ACAT1: variants seen among roughly 807,000 people sequenced by gnomAD.
ACAT1 encodes the protein acetyl-CoA acetyltransferase, mitochondrial.
In ACAT1, 28 loss-of-function variants were observed where a neutral mutation model predicts 47.3. That is an observed-to-expected ratio of 0.59 (90% CI 0.44 to 0.81). The LOEUF is 0.81. Among genes scored for constraint, ACAT1 ranks in the 30% least tolerant of loss-of-function variants. ACAT1 has a pLI of 0.00. For missense variants in ACAT1, 469 were observed against 524.3 expected, an observed-to-expected ratio of 0.89 and a Z score of 1.03; for synonymous variants, 181 against 173.6, an observed-to-expected ratio of 1.04 and a Z score of -0.34.
At chr11:108,125,745 G>GA (rs2077235070) in intron 1 of ACAT1, among the ~76,000 whole-genome samples, 2 of 151,972 alleles carry the variant, frequency 1.3e-5, no homozygotes, top group Non-Finnish European at 2.9e-5. Flanking sequence ...GGCTAACAAG[G>GA]TGAAACCCTG....
chr11:108,134,254 T>C lies in ACAT1; in HGVS notation c.272T>C (p.Met91Thr). ...AAAGAAGAAGTGAAAGAAGCATACA[T>C]GGGTAATGTTCTACAAGGAGGTGAA... Reference protein sequence around the residue: ...IPKEEVKEAYMGNVLQGGEGQ... With the variant: ...IPKEEVKEAYTGNVLQGGEGQ... Residue 91 changes from methionine (M) to threonine (T), a missense_variant, in exon 4 of 12, where the codon ATG becomes ACG. Physicochemically the swap from Met to Thr is moderately conservative, Grantham distance 81. Transcript: ENST00000265838. 6.2e-7 allele frequency: 1 copy of C among 1,612,976 alleles called. No individual in the cohort carries two copies. Among genetic ancestry groups the C allele is most frequent in the African/African-American group, 1.3e-5 (1 of 74,804 alleles).
chr11:108,134,944 C>CAA (rs56229925), intron 4 of ACAT1, among the ~76,000 whole-genome samples, 198 bp from the exon 5 acceptor site: 63 of 81,294 alleles, frequency 7.7e-4, no homozygotes, highest in African/African-American at 1.4e-3. Flanking sequence ...GACTCCGTCT[C>CAA]AAAAAAAAAA....
At position 108,147,476 on chromosome 11, in the gene ACAT1, C is replaced by G. The variant is rs907869980; in HGVS notation, c.*86C>G. ...TGACTACTGTGGGTCAGCTTATATT[C>G]AGATAAGCTGTTTCATTTTTTATTA... On this transcript the variant is annotated 3_prime_UTR_variant, in exon 12 of 12. Transcript: ENST00000265838. 21 of 1,485,914 alleles carry G rather than the reference C, an allele frequency of 1.4e-5. No individual in the cohort carries two copies. Among genetic ancestry groups the G allele is most frequent in the Non-Finnish European group, 1.9e-5 (20 of 1,075,604 alleles). 92.0% of individuals were successfully genotyped at this position (1,485,914 alleles called of 1,614,324 possible). A position where few individuals can be genotyped will look rare whatever the true frequency, so the allele number is the denominator to read the frequency against.
intron 1 of ACAT1, among the ~76,000 whole-genome samples, chr11:108,127,234 A>G (rs891649042): frequency 6.6e-6 from 1 of 150,708 alleles, no homozygotes; most frequent in African/African-American, 2.4e-5. Flanking sequence ...GGTTGGAGAT[A>G]GAAATTTGGA....
chr11:108,119,940 G>C (rs1282547953), upstream of ACAT1, among the ~76,000 whole-genome samples: 1 of 152,238 alleles, frequency 6.6e-6, no homozygotes, highest in South Asian at 2.1e-4. Context: ...CCCTGGCCGC[G>C]TGCAGTGGCT....
intron 5 of ACAT1, chr11:108,136,001 T>G: frequency 3.7e-6 from 2 of 538,552 alleles, no homozygotes; most frequent in Non-Finnish European, 6.5e-6. Flanking sequence ...GACTAATTTG[T>G]AGTCATTAAG....
At chr11:108,120,650 T>C (rs1179669408), upstream of ACAT1, among the ~76,000 whole-genome samples, 1 of 152,258 alleles carries the variant, frequency 6.6e-6, no homozygotes, top group Non-Finnish European at 1.5e-5. Flanking sequence ...GGCTTGTCTC[T>C]GCTCCATGAT....
chr11:108,125,358 T>C (rs74504980), intron 1 of ACAT1, among the ~76,000 whole-genome samples: 6 of 152,298 alleles, frequency 3.9e-5, no homozygotes, highest in Non-Finnish European at 7.4e-5. Flanking sequence ...GACCATACTA[T>C]AATTTTGTCA....
intron 1 of ACAT1, among the ~76,000 whole-genome samples, chr11:108,131,553 C>T (rs1010368099): frequency 6.6e-6 from 1 of 151,378 alleles, no homozygotes; most frequent in Non-Finnish European, 1.5e-5. Context: ...GGTCTCACCA[C>T]GTTGTCCAGG....
At chr11:108,133,665 A>G (rs2077404750) in intron 2 of ACAT1, among the ~76,000 whole-genome samples, 155 bp from the exon 3 acceptor site, 1 of 152,220 alleles carries the variant, frequency 6.6e-6, no homozygotes, top group Admixed American at 6.5e-5. Flanking sequence ...AAGCACTAGC[A>G]TTGAACTGAT....
chr11:108,118,377 TTTC>T (rs1404525649), upstream of ACAT1, among the ~76,000 whole-genome samples: 7 of 151,922 alleles, frequency 4.6e-5, no homozygotes, highest in African/African-American at 1.7e-4. Flanking sequence ...ATCTAGTCAC[TTTC>T]TTTTTTTTTT....
chr11:108,116,838 G>A (rs930154302), upstream of ACAT1, among the ~76,000 whole-genome samples: 4 of 152,128 alleles, frequency 2.6e-5, no homozygotes, highest in Admixed American at 6.6e-5. Context: ...CAGACTCTCC[G>A]TTAGAACCCA....
chr11:108,139,438 A>G (rs564893959), intron 6 of ACAT1, among the ~76,000 whole-genome samples: 2 of 151,890 alleles, frequency 1.3e-5, no homozygotes, highest in African/African-American at 4.8e-5. Context: ...TAAAAATACA[A>G]AAAAATTAGC....
Position 108,139,935 on chromosome 11 carries a change from G to A in ACAT1, c.580-130G>A, listed in dbSNP as rs542156008. On this transcript the variant is annotated intron_variant, in intron 6 of 11. Transcript: ENST00000265838. The stretch of plus-strand genomic sequence containing the variant: ...CAAAGTGCTGGGATTACAGGCATGA[G>A]CCACCACCTCCGGCCTAAGAAATAT... The A allele has an allele frequency of 7.5e-5, 89 of 1,181,012 alleles. No individual in the cohort carries two copies. In the East Asian group the frequency reaches 1.6e-3, roughly 21 times the overall value. The allele number at this position is 1,181,012 out of a possible 1,614,324, so 73.2% of individuals were successfully genotyped here.
intron 1 of ACAT1, among the ~76,000 whole-genome samples, chr11:108,125,660 G>A (rs2135300137): frequency 6.6e-6 from 1 of 152,312 alleles, no homozygotes; most frequent in Non-Finnish European, 1.5e-5. Context: ...GGGTGTGGTG[G>A]CTCACGCCTG....
At chr11:108,140,012 A>G in intron 6 of ACAT1, 53 bp from the exon 7 acceptor site, 2 of 1,563,104 alleles carry the variant, frequency 1.3e-6, no homozygotes, top group Non-Finnish European at 1.7e-6. Flanking sequence ...AAGTTAATAG[A>G]TATTTTCTAA....
chr11:108,126,946 C>CA (rs2077260750), intron 1 of ACAT1, among the ~76,000 whole-genome samples: 2 of 151,820 alleles, frequency 1.3e-5, no homozygotes, highest in African/African-American at 4.8e-5. Flanking sequence ...GCGCGTGCCA[C>CA]CATGCCCTGT....
At chr11:108,136,593 A>C (rs1484890659) in intron 5 of ACAT1, 1 of 152,402 alleles carries the variant, frequency 6.6e-6, no homozygotes, top group Non-Finnish European at 1.5e-5. Flanking sequence ...CTTTCATTTA[A>C]TATTATTTTA....
intron 1 of ACAT1, among the ~76,000 whole-genome samples, chr11:108,127,644 C>T (rs984944500): frequency 6.6e-6 from 1 of 151,998 alleles, no homozygotes; most frequent in Non-Finnish European, 1.5e-5. Flanking sequence ...AGGCCTGGAA[C>T]AAAGCCCTGG....
Sources: allele counts gnomAD v4.1 joint callset (sites outside exome capture counted in the v4.1 genomes callset), GRCh38; gene constraint gnomAD v4.1.1; transcripts MANE v1.5; gene names NCBI Gene and HGNC (gene_info 2026-07-23, HGNC 2026-07-21).